The following MAPK4 variants were observed in gnomAD, a reference collection of about 807,000 sequenced individuals.
The protein encoded by MAPK4 is mitogen-activated protein kinase 4, also known as Erk3-related.
Under a neutral mutation model 47.7 loss-of-function variants are expected in MAPK4, and 22 were observed. The ratio of observed to expected loss-of-function variants is 0.46; its 90% CI spans 0.33 to 0.66. The LOEUF (loss-of-function observed/expected upper bound fraction) is 0.66, where lower values mean the gene tolerates loss of function less well. Among genes scored for constraint, MAPK4 ranks in the 30% least tolerant of loss-of-function variants. The probability of loss-of-function intolerance (pLI) is 0.02; values close to 1 mark genes in which losing one functional copy is unlikely to be tolerated. For synonymous variants in MAPK4, 390 were observed against 365.7 expected (o/e 1.07, Z -0.76); for missense variants, 736 against 831.7 (o/e 0.88, Z 1.42).
intron 1 of MAPK4, among the ~76,000 whole-genome samples, chr18:50,613,218 G>C (rs1287228991): frequency 6.6e-6 from 1 of 152,174 alleles, no homozygotes; most frequent in Non-Finnish European, 1.5e-5. Flanking sequence ...ATCATGTTAT[G>C]TTATAGAAGA....
chr18:50,560,999 G>A (rs1471938927), intron 1 of MAPK4, among the ~76,000 whole-genome samples: 7 of 152,272 alleles, frequency 4.6e-5, no homozygotes, highest in Admixed American at 2.0e-4. Context: ...AAGCCGGGGT[G>A]GGCGGATGCC....
At chr18:50,700,097 C>G (rs1909707837) in intron 2 of MAPK4, among the ~76,000 whole-genome samples, 1 of 152,280 alleles carries the variant, frequency 6.6e-6, no homozygotes, top group Admixed American at 6.5e-5. Flanking sequence ...TCTCCACCCC[C>G]TGGAAGTTGG....
At position 50,729,254 on chromosome 18, in the gene MAPK4, A is replaced by T. The variant is rs1275068457; in HGVS notation, c.1164A>T (p.Pro388=). 2 of 1,608,634 alleles carry T rather than the reference A, an allele frequency of 1.2e-6. No homozygotes were observed. Among genetic ancestry groups the T allele is most frequent in the Non-Finnish European group, 1.7e-6 (2 of 1,176,904 alleles). Residue 388 remains proline (P), a synonymous_variant, in exon 6 of 6, where the codon CCA becomes CCT. Coordinates refer to ENST00000400384, the MANE Select transcript of MAPK4 (RefSeq NM_002747.4). ...GCGACCCGCGCGCGGGTTCGGCGCC[A>T]CTGGCTGAGGACGTGCAGGTGGACC... The part of the protein sequence containing the change: ...VQRDPRAGSA[P]LAEDVQVDPR...
At chr18:50,697,418 A>G (rs894766) in intron 2 of MAPK4, among the ~76,000 whole-genome samples, 2 of 151,858 alleles carry the variant, frequency 1.3e-5, no homozygotes, top group Admixed American at 6.5e-5. Flanking sequence ...GATATTTGCT[A>G]CATTAATAAT....
intron 1 of MAPK4, among the ~76,000 whole-genome samples, chr18:50,596,316 T>A (rs1306738573): frequency 6.6e-6 from 1 of 152,206 alleles, no homozygotes; most frequent in Admixed American, 6.5e-5. Context: ...TGCTATGTTA[T>A]GCCTGGCCCC....
At chr18:50,597,406 T>C (rs2042491876) in intron 1 of MAPK4, among the ~76,000 whole-genome samples, 1 of 152,236 alleles carries the variant, frequency 6.6e-6, no homozygotes, top group Non-Finnish European at 1.5e-5. Flanking sequence ...CATGACTCTG[T>C]CCTGCTCATC....
chr18:50,627,793 G>A (rs186013218), intron 1 of MAPK4, among the ~76,000 whole-genome samples: 9 of 152,268 alleles, frequency 5.9e-5, no homozygotes, highest in Middle Eastern at 3.4e-3. Flanking sequence ...GGATGGTGTT[G>A]ATTAGGCCAC....
chr18:50,729,598 G>A lies in MAPK4; in HGVS notation c.1508G>A (p.Gly503Asp). 1 of 1,386,000 alleles carries A rather than the reference G, an allele frequency of 7.2e-7. No homozygotes were observed. Among genetic ancestry groups the A allele is most frequent in the Non-Finnish European group, 9.3e-7 (1 of 1,072,870 alleles). 85.9% of individuals were successfully genotyped at this position (1,386,000 alleles called of 1,614,324 possible). Residue 503 changes from glycine to aspartate, a missense_variant, in exon 6 of 6, where the codon GGC becomes GAC. Physicochemically the swap from Gly to Asp is moderately conservative, Grantham distance 94. Around this residue, in one of 3 missense-constraint regions of MAPK4, gnomAD observed 377 missense variants for 378.6 expected, o/e 1.00. Coordinates refer to ENST00000400384, the MANE Select transcript of MAPK4 (RefSeq NM_002747.4). ...IAQWVKSTQGGPEHASPPADD... is the reference protein window; with the variant it reads ...IAQWVKSTQGDPEHASPPADD... ...CAGTGGGTCAAGAGCACGCAGGGCG[G>A]CCCAGAGCACGCCAGCCCGCCCGCC...
intron 5 of MAPK4, among the ~76,000 whole-genome samples, chr18:50,726,409 C>T (rs778874018): frequency 2.6e-5 from 4 of 152,138 alleles, no homozygotes; most frequent in Non-Finnish European, 5.9e-5. Flanking sequence ...CAGCTTCCCT[C>T]ACCATGACTC....
chr18:50,601,114 A>G (rs1225617772), intron 1 of MAPK4, among the ~76,000 whole-genome samples: 5 of 141,060 alleles, frequency 3.5e-5, no homozygotes, highest in Non-Finnish European at 7.7e-5. Flanking sequence ...AAAAAAAAAA[A>G]GAAGAAGAAG....
intron 2 of MAPK4, among the ~76,000 whole-genome samples, chr18:50,699,333 C>A (rs1909663922): frequency 6.6e-6 from 1 of 152,168 alleles, no homozygotes; most frequent in African/African-American, 2.4e-5. Flanking sequence ...AAACCAGGAA[C>A]ACATAAAGGT....
intron 1 of MAPK4, among the ~76,000 whole-genome samples, chr18:50,564,385 G>C (rs2042180848): frequency 6.6e-6 from 1 of 152,134 alleles, no homozygotes; most frequent in African/African-American, 2.4e-5. Flanking sequence ...CTACCCCCTA[G>C]ATGCCAGGAG....
At chr18:50,608,453 T>C (rs1328533401) in intron 1 of MAPK4, among the ~76,000 whole-genome samples, 1 of 152,222 alleles carries the variant, frequency 6.6e-6, no homozygotes, top group African/African-American at 2.4e-5. Flanking sequence ...TCCCTCAGTG[T>C]GGGATACCTT....
At chr18:50,623,614 GC>G (rs1392995087) in intron 1 of MAPK4, among the ~76,000 whole-genome samples, 14 of 152,116 alleles carry the variant, frequency 9.2e-5, no homozygotes, top group African/African-American at 3.4e-4. Flanking sequence ...ACCTCAGGTG[GC>G]CTCCTTACTG....
intron 2 of MAPK4, among the ~76,000 whole-genome samples, chr18:50,683,574 G>A (rs576826207): frequency 4.6e-5 from 7 of 150,740 alleles, no homozygotes; most frequent in African/African-American, 1.5e-4. Flanking sequence ...AAATAAATAC[G>A]TTTATTCAAT....
chr18:50,600,003 A>T (rs1268503371), intron 1 of MAPK4, among the ~76,000 whole-genome samples: 1 of 151,974 alleles, frequency 6.6e-6, no homozygotes, highest in Non-Finnish European at 1.5e-5. Context: ...TTCTCAAAAA[A>T]CCCCAGTCTC....
chr18:50,644,402 G>T (rs1217733558), intron 1 of MAPK4, among the ~76,000 whole-genome samples: 1 of 152,068 alleles, frequency 6.6e-6, no homozygotes, highest in African/African-American at 2.4e-5. Context: ...TGGGTATCTG[G>T]AGGGCCCCAA....
chr18:50,718,000 AG>A (rs1195827231), intron 3 of MAPK4, among the ~76,000 whole-genome samples: 2 of 152,202 alleles, frequency 1.3e-5, no homozygotes. Flanking sequence ...AAGTCAGACA[AG>A]GGCCTCTCCA....
intron 2 of MAPK4, among the ~76,000 whole-genome samples, chr18:50,667,600 T>C (rs545898417): frequency 2.6e-5 from 4 of 152,292 alleles, no homozygotes; most frequent in Admixed American, 2.6e-4. Context: ...AAGAAGACCA[T>C]GCTCACCTGG....
Sources: gnomAD v4.1 joint callset for allele counts (sites outside exome capture counted in the v4.1 genomes callset) on GRCh38, gnomAD v4.1.1 for gene constraint, gnomAD v4.1.1 regional missense constraint, MANE v1.5 for transcripts, NCBI Gene and HGNC (gene_info 2026-07-23, HGNC 2026-07-21) for gene names.